The following NAALAD2 variants were observed in gnomAD, a reference collection of about 807,000 sequenced individuals.
NAALAD2 encodes the protein N-acetylated alpha-linked acidic dipeptidase 2.
A neutral mutation model predicts 95.6 loss-of-function variants in NAALAD2; 89 were observed. The ratio of observed to expected loss-of-function variants is 0.93; its 90% CI spans 0.78 to 1.11. The LOEUF is 1.11. NAALAD2 is among the 50% of genes least tolerant of loss of function. NAALAD2 has a pLI of 0.00. For synonymous variants in NAALAD2, 264 were observed against 294.4 expected (o/e 0.90, Z 1.06); for missense variants, 894 against 872.4 (o/e 1.02, Z -0.31).
At chr11:90,172,596 C>T (rs977312704) in intron 13 of NAALAD2, among the ~76,000 whole-genome samples, 2 of 152,160 alleles carry the variant, frequency 1.3e-5, no homozygotes, top group Non-Finnish European at 1.5e-5. Context: ...ATCTATCTCT[C>T]ATCCCCACAT....
chr11:90,133,717 G>A (rs1203304547), upstream of NAALAD2, among the ~76,000 whole-genome samples: 1 of 152,222 alleles, frequency 6.6e-6, no homozygotes, highest in African/African-American at 2.4e-5. Context: ...AAGTCTGTTG[G>A]CCCTACAGGG....
chr11:90,144,740 T>TAAAAAAAAAAAACA (rs1951707634), intron 2 of NAALAD2, among the ~76,000 whole-genome samples: 1 of 90,930 alleles, frequency 1.1e-5, no homozygotes, highest in Admixed American at 1.4e-4. Flanking sequence ...AAAACTCCAT[T>TAAAAAAAAAAAACA]AAAAAAAAAA....
Position 90,150,476 on chromosome 11 carries a change from C to G in NAALAD2, c.484-6C>G, listed in dbSNP as rs768116201. 1 of 1,586,012 alleles carries G rather than the reference C, an allele frequency of 6.3e-7. No individual in the cohort carries two copies. Among genetic ancestry groups the G allele is most frequent in the South Asian group, 1.1e-5 (1 of 88,242 alleles). On this transcript the variant is annotated splice_region_variant and splice_polypyrimidine_tract_variant and intron_variant, in intron 4 of 18. Transcript: ENST00000534061. ...CAGTATTATATATATTTTCTTTTCC[C>G]TATAGGGAGATCTTGTATATGTGAA...
intron 11 of NAALAD2, among the ~76,000 whole-genome samples, chr11:90,167,008 G>T (rs1349587319): frequency 6.6e-6 from 1 of 152,184 alleles, no homozygotes; most frequent in Non-Finnish European, 1.5e-5. Context: ...AAATTAGCCA[G>T]GCGTCGTGGT....
chr11:90,138,866 G>C (rs1285859007), intron 2 of NAALAD2, among the ~76,000 whole-genome samples: 1 of 150,556 alleles, frequency 6.6e-6, no homozygotes, highest in Non-Finnish European at 1.5e-5. Context: ...AATTTGTTGT[G>C]TTGGGCTTGA....
At chr11:90,171,667 T>G (rs1021505600) in intron 13 of NAALAD2, among the ~76,000 whole-genome samples, 3 of 152,158 alleles carry the variant, frequency 2.0e-5, no homozygotes, top group Non-Finnish European at 2.9e-5. Context: ...GGAGACTTGT[T>G]TTTACTCTCC....
At chr11:90,144,569 C>G (rs777145974) in intron 2 of NAALAD2, among the ~76,000 whole-genome samples, 3 of 151,480 alleles carry the variant, frequency 2.0e-5, no homozygotes, top group Admixed American at 6.6e-5. Context: ...AATGAAACCC[C>G]ACCTCTATTA....
At chr11:90,178,934 A>T (rs915246276) in intron 16 of NAALAD2, among the ~76,000 whole-genome samples, 1 of 152,280 alleles carries the variant, frequency 6.6e-6, no homozygotes, top group East Asian at 1.9e-4. Context: ...GATGACTCAT[A>T]ATGCAGTGTA....
At chr11:90,170,351 T>G (rs1363628260) in intron 13 of NAALAD2, among the ~76,000 whole-genome samples, 1 of 152,222 alleles carries the variant, frequency 6.6e-6, no homozygotes, top group Non-Finnish European at 1.5e-5. Context: ...TAGTTCTTAT[T>G]AATAATTGTG....
intron 1 of NAALAD2, chr11:90,135,285 A>G (rs548238659): frequency 5.9e-6 from 2 of 337,164 alleles, no homozygotes; most frequent in Admixed American, 4.4e-5. Flanking sequence ...GATCCAGGGA[A>G]GAACAACAAA....
rs72956811 is a variant in NAALAD2 at position 90,147,010 on chromosome 11, A to G, written c.195-320A>G. On this transcript the variant is annotated intron_variant, in intron 2 of 18. Coordinates refer to ENST00000534061, the MANE Select transcript of NAALAD2 (RefSeq NM_005467.4). The stretch of plus-strand genomic sequence containing the variant: ...TTCCAAAATGTCTCTGTTCTCTGAC[A>G]AACAGCAAAAAGGAACATTATTGGT... Among the ~76,000 whole-genome samples, 703 of 152,282 alleles carry G rather than the reference A, an allele frequency of 4.6e-3. 3 individuals are homozygous for G. Among genetic ancestry groups the G allele is most frequent in the Middle Eastern group, 0.01 (3 of 294 alleles).
intron 2 of NAALAD2, among the ~76,000 whole-genome samples, chr11:90,141,337 T>C (rs528257367): frequency 1.3e-5 from 2 of 152,354 alleles, no homozygotes; most frequent in South Asian, 4.1e-4. Flanking sequence ...ATTTTTGCTA[T>C]GTCCAGTCTT....
At chr11:90,153,317 T>C (rs1951940200) in intron 6 of NAALAD2, among the ~76,000 whole-genome samples, 1 of 152,184 alleles carries the variant, frequency 6.6e-6, no homozygotes, top group Non-Finnish European at 1.5e-5. Context: ...GGAAGTGAAA[T>C]GCCTGAATAT....
Position 90,152,481 on chromosome 11 carries a change from A to G in NAALAD2, c.793A>G (p.Lys265Glu). The part of the protein sequence containing the change: ...GDPLTPGYPA[K>E]EYTFRLDVEE... ...CCCACTCACTCCAGGCTATCCAGCAAAAGGTAAGGGATGAGCCTATCAGTC... is the reference window on the plus strand; with the variant it reads ...CCCACTCACTCCAGGCTATCCAGCAGAAGGTAAGGGATGAGCCTATCAGTC... The change falls in exon 6 of 19, where the codon AAA becomes GAA. Residue 265 changes from lysine to glutamate, a missense_variant. Coordinates refer to ENST00000534061, the MANE Select transcript of NAALAD2 (RefSeq NM_005467.4). 1.9e-6 allele frequency: 3 copies of G among 1,608,980 alleles called. No individual in the cohort carries two copies. Among genetic ancestry groups the G allele is most frequent in the Non-Finnish European group, 1.7e-6 (2 of 1,176,074 alleles).
At chr11:90,154,977 T>C (rs1453667935) in intron 6 of NAALAD2, among the ~76,000 whole-genome samples, 2 of 86,582 alleles carry the variant, frequency 2.3e-5, no homozygotes, top group Non-Finnish European at 4.3e-5. Context: ...GTATATATTA[T>C]ATACGTATAC....
intron 2 of NAALAD2, among the ~76,000 whole-genome samples, chr11:90,136,544 T>C (rs763549270): frequency 6.6e-6 from 1 of 152,208 alleles, no homozygotes; most frequent in Non-Finnish European, 1.5e-5. Flanking sequence ...ATATAGTATA[T>C]GTTCTTTTGT....
chr11:90,165,839 A>T (rs1223167154), intron 11 of NAALAD2, among the ~76,000 whole-genome samples: 1 of 152,182 alleles, frequency 6.6e-6, no homozygotes, highest in Non-Finnish European at 1.5e-5. Context: ...ATATAAACAC[A>T]TGCATCTGTT....
chr11:90,157,426 TTGAA>T (rs1447774185), intron 6 of NAALAD2, among the ~76,000 whole-genome samples: 1 of 152,164 alleles, frequency 6.6e-6, no homozygotes, highest in East Asian at 1.9e-4. Flanking sequence ...ATATCACTAT[TTGAA>T]TAAGATGTTT....
At chr11:90,147,943 T>C (rs1191543652) in intron 3 of NAALAD2, among the ~76,000 whole-genome samples, 7 of 152,220 alleles carry the variant, frequency 4.6e-5, no homozygotes, top group Non-Finnish European at 1.0e-4. Flanking sequence ...TGGAGGCATA[T>C]ACTAGCCTAG....
Sources: gnomAD v4.1 joint callset for allele counts (sites outside exome capture counted in the v4.1 genomes callset) on GRCh38, gnomAD v4.1.1 for gene constraint, MANE v1.5 for transcripts, NCBI Gene and HGNC (gene_info 2026-07-23, HGNC 2026-07-21) for gene names.